Variants in DMXL2 observed in about 807,000 individuals in gnomAD.
DMXL2 encodes dmX-like protein 2.
DMXL2 carries 103 observed loss-of-function variants against 331.1 expected under a neutral mutation model. That is an observed-to-expected ratio of 0.31 (90% CI 0.27 to 0.37). DMXL2 has a LOEUF of 0.37. DMXL2 is among the 10% of genes least tolerant of loss of function. The probability of loss-of-function intolerance (pLI) is 1.00; values close to 1 mark genes in which losing one functional copy is unlikely to be tolerated. For missense variants in DMXL2, 3,171 were observed against 3,642.9 expected, an observed-to-expected ratio of 0.87 and a Z score of 3.33; for synonymous variants, 1,281 against 1,252.1, an observed-to-expected ratio of 1.02 and a Z score of -0.49.
intron 23 of DMXL2, among the ~76,000 whole-genome samples, chr15:51,483,906 G>A (rs931334903): frequency 2.0e-5 from 3 of 152,026 alleles, no homozygotes; most frequent in East Asian, 3.9e-4. Context: ...TCTCAGACCT[G>A]AGAAATAGCC....
chr15:51,544,766 A>G (rs1188641034), intron 8 of DMXL2, among the ~76,000 whole-genome samples: 1 of 152,188 alleles, frequency 6.6e-6, no homozygotes, highest in Non-Finnish European at 1.5e-5. Context: ...TATGATCTCA[A>G]TCGTATAAAG....
At chr15:51,613,754 C>A (rs2054121736) in intron 1 of DMXL2, among the ~76,000 whole-genome samples, 1 of 151,912 alleles carries the variant, frequency 6.6e-6, no homozygotes, top group South Asian at 2.1e-4. Context: ...TAAAATTTGT[C>A]CAGCATAAAA....
In DMXL2 at chr15:51,481,244, A is replaced by G. The variant is rs775955169; in HGVS notation, c.5862T>C (p.Asn1954=). The G allele has an allele frequency of 2.4e-5, 39 of 1,613,976 alleles. No individual in the cohort carries two copies. Among genetic ancestry groups the G allele is most frequent in the Non-Finnish European group, 3.1e-5 (36 of 1,179,936 alleles). The change falls in exon 24 of 44, where the codon AAT becomes AAC. Residue 1954 remains asparagine, a synonymous_variant. Coordinates refer to ENST00000560891, the MANE Select transcript of DMXL2 (RefSeq NM_001378457.1). Reference sequence around the variant, plus strand: ...TCCAGTCATACTGTGATGAAGTTACATTTGACCATTCAATGCCAGAACTTC... The same window carrying G: ...TCCAGTCATACTGTGATGAAGTTACGTTTGACCATTCAATGCCAGAACTTC... ...GNGSSGIEWS[N]VTSSQYDWSQ... is the part of the protein sequence containing the mutation.
intron 1 of DMXL2, among the ~76,000 whole-genome samples, chr15:51,604,154 T>A (rs1595717976): frequency 6.6e-6 from 1 of 151,736 alleles, no homozygotes; most frequent in Admixed American, 6.6e-5. Flanking sequence ...AGAAAAAATA[T>A]ATAACCATAT....
intron 2 of DMXL2, among the ~76,000 whole-genome samples, chr15:51,575,377 A>C (rs28408214): frequency 1.2e-4 from 18 of 151,986 alleles, no homozygotes; most frequent in African/African-American, 3.9e-4. Flanking sequence ...AAACCTTATT[A>C]CTCTATTCTC....
Position 51,519,648 on chromosome 15 carries a change from T to G in DMXL2, c.2437-2481A>C, listed in dbSNP as rs574515611. On this transcript the variant is annotated intron_variant, in intron 13 of 43. Transcript: ENST00000560891. ...GACAAAGTCTCTTGTTTTTTTTTTT[T>G]TTTTTTTTTTTGAGATGGAGTTTCA... Among the ~76,000 whole-genome samples the G allele has an allele frequency of 2.3e-4, 34 of 146,386 alleles. No individual in the cohort carries two copies. In the East Asian group the frequency reaches 5.3e-3, roughly 23 times the overall value.
intron 39 of DMXL2, 151 bp from the exon 40 acceptor site, chr15:51,455,379 T>TA: frequency 2.8e-6 from 2 of 705,384 alleles, no homozygotes; most frequent in Non-Finnish European, 4.7e-6. Context: ...GTCCAAGTGC[T>TA]AAAAAATTCC....
intron 1 of DMXL2, among the ~76,000 whole-genome samples, chr15:51,600,270 G>A (rs1372704166): frequency 3.9e-5 from 6 of 152,074 alleles, no homozygotes; most frequent in Non-Finnish European, 7.4e-5. Flanking sequence ...ACCACCTCCT[G>A]GTTATCACCT....
chr15:51,548,024 TA>T lies in DMXL2; in HGVS notation c.568-617del, dbSNP rs1043079718. Among the ~76,000 whole-genome samples the T allele has an allele frequency of 2.0e-5, 3 of 152,254 alleles. No homozygotes were observed. The South Asian group carries it at 6.2e-4, about 32-fold the overall frequency. The stretch of plus-strand genomic sequence containing the variant: ...CTCCGATCCCTACTCTAAGTGATGA[TA>T]AAGAATGCATGGAGGTAGCTGTCAG... On this transcript the variant is annotated intron_variant, in intron 6 of 43. Transcript: ENST00000560891.
intron 28 of DMXL2, among the ~76,000 whole-genome samples, chr15:51,472,883 T>C (rs2140317082): frequency 6.6e-6 from 1 of 152,306 alleles, no homozygotes; most frequent in South Asian, 2.1e-4. Flanking sequence ...GCGGTTCTGT[T>C]GAAAAGCTGA....
chr15:51,564,132 G>A lies in DMXL2; in HGVS notation c.493C>T (p.Gln165Ter). ...ATAGAAATAGACACTAACTTGCACT[G>A]CCAGACACACTTCCAATCATTTAAA... ...PVLNDWKCVWQCKTSVSVHLM... is the reference protein window; with the variant it reads ...PVLNDWKCVW The change falls in exon 5 of 44, where the codon CAG becomes TAG. Residue 165 changes from glutamine (Q) to a stop codon, truncating the protein, a stop_gained. Coordinates refer to ENST00000560891, the MANE Select transcript of DMXL2 (RefSeq NM_001378457.1). LOFTEE classifies it high-confidence loss of function. The A allele has an allele frequency of 6.3e-7, 1 of 1,596,442 alleles. No individual in the cohort carries two copies. The highest frequency in any genetic ancestry group is 8.5e-7 in the Non-Finnish European group (1 of 1,173,564).
intron 1 of DMXL2, among the ~76,000 whole-genome samples, chr15:51,604,551 C>T (rs2053452413): frequency 6.6e-6 from 1 of 152,026 alleles, no homozygotes; most frequent in African/African-American, 2.4e-5. Context: ...ATACTTCTAA[C>T]AAAACATGTA....
At chr15:51,512,321 G>C (rs1292966335) in intron 15 of DMXL2, among the ~76,000 whole-genome samples, 2 of 152,020 alleles carry the variant, frequency 1.3e-5, no homozygotes, top group Non-Finnish European at 2.9e-5. Flanking sequence ...AACTTTGTTT[G>C]GATATAGATT....
In DMXL2 at chr15:51,487,927, T is replaced by C. The variant is rs755318385; in HGVS notation, c.5217+27A>G. ...TTAGGTTTTCAATCTTTTACAAGTATTATATAGTGTGTTTTCTTATTTATA... is the reference window on the plus strand; with the variant it reads ...TTAGGTTTTCAATCTTTTACAAGTACTATATAGTGTGTTTTCTTATTTATA... On this transcript the variant is annotated intron_variant, in intron 22 of 43. Transcript: ENST00000560891. The C allele has an allele frequency of 5.1e-6, 8 of 1,565,216 alleles. No homozygotes were observed. In the Admixed American group the frequency reaches 7.9e-5, roughly 15 times the overall value.
At chr15:51,579,584 GTATAGTAAATAAAT>G in intron 1 of DMXL2, among the ~76,000 whole-genome samples, 1 of 152,268 alleles carries the variant, frequency 6.6e-6, no homozygotes, top group African/African-American at 2.4e-5. Flanking sequence ...ATAAATAGCT[GTATAGTAAATAAAT>G]TATTAAAGTC....
intron 17 of DMXL2, among the ~76,000 whole-genome samples, chr15:51,501,530 A>T (rs972126530): frequency 1.3e-5 from 2 of 152,204 alleles, no homozygotes; most frequent in East Asian, 3.8e-4. Context: ...CTTAAATTTT[A>T]AAAAAAGCCT....
At chr15:51,541,272 A>AAT (rs1204802457) in intron 9 of DMXL2, among the ~76,000 whole-genome samples, 1 of 152,162 alleles carries the variant, frequency 6.6e-6, no homozygotes, top group Non-Finnish European at 1.5e-5. Context: ...TAGATATTTC[A>AAT]ATAGCCACGT....
At chr15:51,481,837 G>T (rs1020620217) in intron 23 of DMXL2, among the ~76,000 whole-genome samples, 27 of 152,282 alleles carry the variant, frequency 1.8e-4, no homozygotes, top group African/African-American at 6.5e-4. Flanking sequence ...TCACTATAGA[G>T]TGATGTCCAG....
chr15:51,534,559 G>A (rs2048181402), intron 13 of DMXL2, among the ~76,000 whole-genome samples: 1 of 152,196 alleles, frequency 6.6e-6, no homozygotes, highest in South Asian at 2.1e-4. Context: ...TGGCAGGAAT[G>A]AAGCAGAGGG....
Sources: gnomAD v4.1 joint callset for allele counts (sites outside exome capture counted in the v4.1 genomes callset) on GRCh38, gnomAD v4.1.1 for gene constraint, MANE v1.5 for transcripts, NCBI Gene and HGNC (gene_info 2026-07-23, HGNC 2026-07-21) for gene names.